Variants in VGLL3 observed in about 807,000 individuals in gnomAD.
VGLL3 encodes transcription cofactor vestigial-like protein 3.
In VGLL3, 18 loss-of-function variants were observed where a neutral mutation model predicts 29.2. The ratio of observed to expected loss-of-function variants is 0.62; its 90% CI spans 0.43 to 0.91. The LOEUF is 0.91. Ranked by LOEUF, VGLL3 falls within the 40% of genes least tolerant of loss-of-function variation. The pLI is 0.00. For synonymous variants in VGLL3, 180 were observed against 151.8 expected (o/e 1.19, Z -1.36); for missense variants, 440 against 413.2 (o/e 1.06, Z -0.56).
intron 2 of VGLL3, among the ~76,000 whole-genome samples, chr3:86,972,926 T>G (rs1705133556): frequency 6.6e-6 from 1 of 152,170 alleles, no homozygotes; most frequent in Admixed American, 6.5e-5. Context: ...ATGATAATAT[T>G]GATACATTGT....
intron 2 of VGLL3, among the ~76,000 whole-genome samples, chr3:86,969,463 C>G (rs1323711134): frequency 6.6e-6 from 1 of 152,154 alleles, no homozygotes; most frequent in African/African-American, 2.4e-5. Flanking sequence ...AAGAGGAGGT[C>G]ATATCTACCC....
At chr3:86,959,662 C>A (rs572387576) in intron 3 of VGLL3, among the ~76,000 whole-genome samples, 9 of 152,166 alleles carry the variant, frequency 5.9e-5, no homozygotes, top group Admixed American at 5.9e-4. Context: ...AGTTGTAAAT[C>A]TAGGTTTCCT....
Position 86,991,051 on chromosome 3 carries a change from T to C in VGLL3, c.-308A>G. The C allele has an allele frequency of 1.7e-6, 1 of 603,726 alleles. No individual in the cohort carries two copies. The allele number at this position is 603,726 out of a possible 1,614,324, so 37.4% of individuals were successfully genotyped here. A position where few individuals can be genotyped will look rare whatever the true frequency, so the allele number is the denominator to read the frequency against. Reference sequence around the variant, plus strand: ...CCGCTGGGGCATTACCGCGTCCGGCTCCCGCGAGGGCTGCGGCGCCCACGG... The same window carrying C: ...CCGCTGGGGCATTACCGCGTCCGGCCCCCGCGAGGGCTGCGGCGCCCACGG... On this transcript the variant is annotated 5_prime_UTR_variant, in exon 1 of 4. Coordinates refer to ENST00000398399, the MANE Select transcript of VGLL3 (RefSeq NM_016206.4).
intron 3 of VGLL3, among the ~76,000 whole-genome samples, 193 bp downstream of exon 3, chr3:86,968,397 C>A (rs975636814): frequency 6.6e-6 from 1 of 152,200 alleles, no homozygotes; most frequent in African/African-American, 2.4e-5. Flanking sequence ...AGACCTTTCT[C>A]AGGCTGGATT....
At chr3:86,959,962 C>G (rs780677342) in intron 3 of VGLL3, among the ~76,000 whole-genome samples, 3 of 152,084 alleles carry the variant, frequency 2.0e-5, no homozygotes, top group Non-Finnish European at 4.4e-5. Flanking sequence ...ATCTCTCTTT[C>G]ATGGAGAGAA....
chr3:86,977,493 C>T (rs1171368569), intron 2 of VGLL3, among the ~76,000 whole-genome samples: 1 of 152,182 alleles, frequency 6.6e-6, no homozygotes, highest in Non-Finnish European at 1.5e-5. Context: ...GATTCCCACA[C>T]CTTCCTATGA....
At chr3:86,975,667 A>T (rs1198003504) in intron 2 of VGLL3, among the ~76,000 whole-genome samples, 27 of 152,194 alleles carry the variant, frequency 1.8e-4, no homozygotes, top group Admixed American at 1.7e-3. Context: ...CAGATTTTCC[A>T]CATAGAAACA....
chr3:86,988,439 T>C (rs1463597580), intron 1 of VGLL3, among the ~76,000 whole-genome samples: 3 of 151,466 alleles, frequency 2.0e-5, no homozygotes, highest in Non-Finnish European at 4.4e-5. Context: ...CAAGTCAATA[T>C]TAGTCCCACT....
intron 2 of VGLL3, among the ~76,000 whole-genome samples, chr3:86,971,170 C>G (rs1384529949): frequency 2.6e-5 from 4 of 152,172 alleles, no homozygotes; most frequent in Non-Finnish European, 5.9e-5. Context: ...TCTATGTTCT[C>G]TCTATAAATA....
intron 2 of VGLL3, among the ~76,000 whole-genome samples, chr3:86,971,971 C>A (rs1310397867): frequency 6.6e-6 from 1 of 152,144 alleles, no homozygotes; most frequent in Non-Finnish European, 1.5e-5. Flanking sequence ...GCCCCAACCA[C>A]AAGTACGTGC....
intron 3 of VGLL3, among the ~76,000 whole-genome samples, chr3:86,957,679 C>G (rs1003447731): frequency 2.2e-4 from 33 of 152,156 alleles, no homozygotes; most frequent in African/African-American, 7.5e-4. Flanking sequence ...TATATCTGGA[C>G]AGAATTTCTA....
Position 86,991,027 on chromosome 3 carries a change from C to T in VGLL3, c.-284G>A, listed in dbSNP as rs1705578159. The T allele has an allele frequency of 3.8e-6, 3 of 790,998 alleles. No individual in the cohort carries two copies. The highest frequency in any genetic ancestry group is 1.5e-6 in the Non-Finnish European group (1 of 647,100). 49.0% of individuals were successfully genotyped at this position (790,998 alleles called of 1,614,324 possible). ...TCAGGGACGCAGCCGCCCGCTGCGCCGCTGGGGCATTACCGCGTCCGGCTC... is the reference window on the plus strand; with the variant it reads ...TCAGGGACGCAGCCGCCCGCTGCGCTGCTGGGGCATTACCGCGTCCGGCTC... On this transcript the variant is annotated 5_prime_UTR_variant, in exon 1 of 4. Transcript: ENST00000398399.
intron 3 of VGLL3, among the ~76,000 whole-genome samples, chr3:86,963,423 G>A (rs1298367518): frequency 6.6e-6 from 1 of 152,114 alleles, no homozygotes; most frequent in Non-Finnish European, 1.5e-5. Context: ...TATTTGCCAG[G>A]CATAGCGGAT....
intron 1 of VGLL3, among the ~76,000 whole-genome samples, chr3:86,989,498 T>C (rs1010395679): frequency 6.6e-6 from 1 of 152,178 alleles, no homozygotes; most frequent in Non-Finnish European, 1.5e-5. Context: ...GCACTGTAAT[T>C]CTAGCAAAGA....
At chr3:86,966,811 A>G (rs1471299319) in intron 3 of VGLL3, among the ~76,000 whole-genome samples, 2 of 125,968 alleles carry the variant, frequency 1.6e-5, no homozygotes, top group African/African-American at 3.0e-5. Flanking sequence ...ATATATATAT[A>G]TATATATATA....
At chr3:86,977,827 C>T (rs752503163) in intron 2 of VGLL3, among the ~76,000 whole-genome samples, 33 of 152,160 alleles carry the variant, frequency 2.2e-4, no homozygotes, top group African/African-American at 1.9e-4. Context: ...ATTGGAATGA[C>T]GTATTATGTT....
chr3:86,970,084 T>C (rs557219387), intron 2 of VGLL3, among the ~76,000 whole-genome samples: 1 of 152,186 alleles, frequency 6.6e-6, no homozygotes, highest in Admixed American at 6.5e-5. Context: ...CAAGTAGAAG[T>C]CATGGGTTTG....
chr3:86,969,027 T>C lies in VGLL3; in HGVS notation c.500A>G (p.His167Arg). 1 of 1,614,024 alleles carries C rather than the reference T, an allele frequency of 6.2e-7. No individual in the cohort carries two copies. The highest frequency in any genetic ancestry group is 8.5e-7 in the Non-Finnish European group (1 of 1,179,994). ...GGGTCCAGTGACCTGGAAGTCAGGATGAACTCCCCCCAAACAAGGTGCAGG... is the reference window on the plus strand; with the variant it reads ...GGGTCCAGTGACCTGGAAGTCAGGACGAACTCCCCCCAAACAAGGTGCAGG... ...PPPAPCLGGV[H>R]PDFQVTGPPG... Residue 167 changes from histidine (H) to arginine (R), a missense_variant, in exon 3 of 4, where the codon CAT becomes CGT. His to Arg is a conservative substitution (Grantham distance 29). Coordinates refer to ENST00000398399, the MANE Select transcript of VGLL3 (RefSeq NM_016206.4).
chr3:86,942,294 A>C lies in VGLL3; in HGVS notation c.*4730T>G, dbSNP rs1174652937. On this transcript the variant is annotated 3_prime_UTR_variant, in exon 4 of 4. Transcript: ENST00000398399. ...GCAAAGGTGATCAATCAGGAATCCA[A>C]ACTGCCATCAATACCCCTTTGTAAC... 1.3e-5 allele frequency: 2 copies of C among 152,150 alleles called. No individual in the cohort carries two copies. The highest frequency in any genetic ancestry group is 2.4e-5 in the African/African-American group (1 of 41,434). The allele number at this position is 152,150 out of a possible 1,614,324, so 9.4% of individuals were successfully genotyped here.
Sources: allele counts gnomAD v4.1 joint callset (sites outside exome capture counted in the v4.1 genomes callset), GRCh38; gene constraint gnomAD v4.1.1; transcripts MANE v1.5; gene names NCBI Gene and HGNC (gene_info 2026-07-23, HGNC 2026-07-21).